The following NTAQ1 variants were observed in gnomAD, a reference collection of about 807,000 sequenced individuals.
NTAQ1 encodes the protein protein N-terminal glutamine amidohydrolase.
A neutral mutation model predicts 28.2 loss-of-function variants in NTAQ1; 21 were observed. The observed-to-expected ratio is 0.74, with a 90% CI of 0.53 to 1.07. NTAQ1 has a LOEUF of 1.07. NTAQ1 is among the 50% of genes least tolerant of loss of function. The probability of loss-of-function intolerance (pLI) is 0.00; values close to 1 mark genes in which losing one functional copy is unlikely to be tolerated. For missense variants in NTAQ1, 264 were observed against 256.6 expected, an observed-to-expected ratio of 1.03 and a Z score of -0.20; for synonymous variants, 105 against 90.0, an observed-to-expected ratio of 1.17 and a Z score of -0.94.
At position 123,440,146 on chromosome 8, in the gene NTAQ1, C is replaced by CTTTTTTTTTTTTTTTTTTT. The variant is rs577877415; in HGVS notation, c.509-1151_509-1133dup. On this transcript the variant is annotated intron_variant, in intron 5 of 5. Coordinates refer to ENST00000287387, the MANE Select transcript of NTAQ1 (RefSeq NM_018024.3). ...CCACCACGCTGGCCAGGATTAACTC[C>CTTTTTTTTTTTTTTTTTTT]TTTTTTTTTTTTTTTTTTTTTTTTT... Among the ~76,000 whole-genome samples the CTTTTTTTTTTTTTTTTTTT allele has an allele frequency of 8.8e-5, 5 of 56,542 alleles. 1 individual carries two copies. The highest frequency in any genetic ancestry group is 3.8e-4 in the African/African-American group (5 of 13,254). 37.1% of individuals were successfully genotyped at this position (56,542 alleles called of 152,430 possible).
chr8:123,418,089 T>A (rs1443133730), intron 1 of NTAQ1, among the ~76,000 whole-genome samples: 1 of 152,216 alleles, frequency 6.6e-6, no homozygotes, highest in East Asian at 1.9e-4. Context: ...TTCTGGGCAC[T>A]GGGGATATAG....
intron 6 of NTAQ1, among the ~76,000 whole-genome samples, chr8:123,447,790 A>G (rs1201639907): frequency 6.6e-6 from 1 of 152,176 alleles, no homozygotes; most frequent in African/African-American, 2.4e-5. Context: ...AAATAACAAA[A>G]AACAAAAAAC....
At chr8:123,416,728 C>T (rs1391676922), upstream of NTAQ1, 2 of 961,214 alleles carry the variant, frequency 2.1e-6, no homozygotes, top group Non-Finnish European at 2.8e-6. Context: ...CCCCGGCCCT[C>T]TCCCCCCGGG....
At chr8:123,473,377 C>T (rs1816060651), downstream of NTAQ1, among the ~76,000 whole-genome samples, 2 of 151,116 alleles carry the variant, frequency 1.3e-5, no homozygotes, top group South Asian at 4.2e-4. Context: ...CTCACTGCAA[C>T]TTCCGTGCCC....
At chr8:123,428,859 C>T (rs1814228153) in intron 2 of NTAQ1, among the ~76,000 whole-genome samples, 1 of 152,168 alleles carries the variant, frequency 6.6e-6, no homozygotes, top group African/African-American at 2.4e-5. Context: ...GCCTTGGCCT[C>T]CCAATGTGGT....
chr8:123,457,719 C>T (rs1336111798), intron 6 of NTAQ1, among the ~76,000 whole-genome samples: 2 of 151,986 alleles, frequency 1.3e-5, no homozygotes, highest in East Asian at 3.9e-4. Context: ...TGTTGTAAGC[C>T]CTGTGAATAT....
At chr8:123,441,220 C>G in intron 5 of NTAQ1, 86 bp from the exon 6 acceptor site, 1 of 985,858 alleles carries the variant, frequency 1.0e-6, no homozygotes, top group Non-Finnish European at 1.5e-6. Flanking sequence ...ATAATTTTAC[C>G]TACTTTTGGT....
rs113536247 is a variant in NTAQ1, at chr8:123,428,902, AT to A, written c.183+888del. The stretch of plus-strand genomic sequence containing the variant: ...CCAGCATGAGCCACTGTGCCTGGCC[AT>A]TTTTTTTTCTTTTTTTAAATTCAAG... On this transcript the variant is annotated intron_variant, in intron 2 of 5. Transcript: ENST00000287387. Among the ~76,000 whole-genome samples the A allele has an allele frequency of 2.7e-5, 4 of 150,336 alleles. No homozygotes were observed. The East Asian group carries it at 5.9e-4, about 22-fold the overall frequency.
intron 6 of NTAQ1, among the ~76,000 whole-genome samples, chr8:123,462,077 G>A (rs780305042): frequency 6.6e-6 from 1 of 151,970 alleles, no homozygotes; most frequent in Non-Finnish European, 1.5e-5. Flanking sequence ...AGACAGTCTC[G>A]CTGTGTCACC....
intron 2 of NTAQ1, 77 bp downstream of exon 2, chr8:123,428,100 C>T: frequency 5.1e-6 from 3 of 585,000 alleles, no homozygotes; most frequent in Non-Finnish European, 8.2e-6. Context: ...AAAAAAAAAG[C>T]TAAATATAGC....
chr8:123,445,349 A>G (rs771876556), downstream of NTAQ1, among the ~76,000 whole-genome samples: 1 of 152,032 alleles, frequency 6.6e-6, no homozygotes, highest in Non-Finnish European at 1.5e-5. Context: ...ACAAAGAAAA[A>G]TACATTTTAC....
intron 1 of NTAQ1, among the ~76,000 whole-genome samples, chr8:123,427,297 G>A (rs1344129155): frequency 7.5e-6 from 1 of 133,256 alleles, no homozygotes; most frequent in East Asian, 2.3e-4. Flanking sequence ...TGTTGTCCAG[G>A]CTAGAGTGCA....
chr8:123,448,493 A>G (rs1203566840), downstream of NTAQ1, among the ~76,000 whole-genome samples: 2 of 152,188 alleles, frequency 1.3e-5, no homozygotes, highest in Non-Finnish European at 2.9e-5. Flanking sequence ...CATGCCTGTA[A>G]TCCCAGTTAC....
At chr8:123,466,557 A>G (rs1184746999) in intron 6 of NTAQ1, among the ~76,000 whole-genome samples, 1 of 152,234 alleles carries the variant, frequency 6.6e-6, no homozygotes, top group Non-Finnish European at 1.5e-5. Flanking sequence ...TGTGACCATC[A>G]GACTGTCATT....
chr8:123,426,337 A>G (rs535309230), intron 1 of NTAQ1, among the ~76,000 whole-genome samples: 1 of 152,156 alleles, frequency 6.6e-6, no homozygotes, highest in Non-Finnish European at 1.5e-5. Flanking sequence ...GGGAAGATTG[A>G]TTTCAGTTCA....
chr8:123,431,744 T>C (rs1814407887), intron 3 of NTAQ1, among the ~76,000 whole-genome samples: 1 of 152,226 alleles, frequency 6.6e-6, no homozygotes, highest in African/African-American at 2.4e-5. Context: ...CTGTCTTCAG[T>C]GTCTCCCCCT....
downstream of NTAQ1, among the ~76,000 whole-genome samples, chr8:123,473,014 C>T (rs886683927): frequency 6.6e-6 from 1 of 152,108 alleles, no homozygotes; most frequent in Non-Finnish European, 1.5e-5. Flanking sequence ...TAACTGTTAA[C>T]TGTTGGGGTG....
chr8:123,461,342 C>A (rs1031099787), intron 6 of NTAQ1, among the ~76,000 whole-genome samples: 1 of 152,164 alleles, frequency 6.6e-6, no homozygotes, highest in Non-Finnish European at 1.5e-5. Flanking sequence ...CTCACGTCCC[C>A]ACTCCCTACT....
chr8:123,446,329 G>A (rs1405352107), downstream of NTAQ1, among the ~76,000 whole-genome samples: 1 of 152,210 alleles, frequency 6.6e-6, no homozygotes, highest in Non-Finnish European at 1.5e-5. Context: ...TTCTAGAGCA[G>A]GAGTTGGCAA....
Sources: allele counts gnomAD v4.1 joint callset (sites outside exome capture counted in the v4.1 genomes callset), GRCh38; gene constraint gnomAD v4.1.1; transcripts MANE v1.5; gene names NCBI Gene and HGNC (gene_info 2026-07-23, HGNC 2026-07-21).